Variants in MTREX observed in about 807,000 individuals in gnomAD.
MTREX encodes Mtr4 exosome RNA helicase.
In MTREX, 76 loss-of-function variants were observed where a neutral mutation model predicts 135.4. The ratio of observed to expected loss-of-function variants is 0.56; its 90% CI spans 0.47 to 0.68. The LOEUF is 0.68. Among genes scored for constraint, MTREX ranks in the 30% least tolerant of loss-of-function variants. The pLI is 0.00. For synonymous variants in MTREX, 404 were observed against 401.6 expected, an observed-to-expected ratio of 1.01 and a Z score of -0.07; for missense variants, 920 against 1,262.1, an observed-to-expected ratio of 0.73 and a Z score of 4.11.
At chr5:55,423,725 G>A (rs1447850266) in intron 26 of MTREX, 1 of 152,284 alleles carries the variant, frequency 6.6e-6, no homozygotes, top group African/African-American at 2.4e-5. Context: ...GTAATGGAGT[G>A]GTGGTGGGGG....
intron 1 of MTREX, among the ~76,000 whole-genome samples, chr5:55,320,816 C>T (rs910513858): frequency 2.6e-5 from 4 of 152,072 alleles, no homozygotes; most frequent in African/African-American, 9.7e-5. Context: ...TGTTTTGTTA[C>T]GGGATCAGAG....
intron 12 of MTREX, among the ~76,000 whole-genome samples, chr5:55,350,446 G>A (rs566408912): frequency 8.2e-4 from 125 of 152,214 alleles, no homozygotes; most frequent in Non-Finnish European, 3.5e-4. Flanking sequence ...TTGTTATAGC[G>A]CACTTCTAGT....
At chr5:55,416,195 TTTAA>T in intron 25 of MTREX, 63 bp downstream of exon 25, 1 of 1,058,342 alleles carries the variant, frequency 9.4e-7, no homozygotes, top group Non-Finnish European at 1.3e-6. Context: ...ATGGTATTGT[TTTAA>T]TTAAACAAGT....
chr5:55,359,818 A>G (rs1281457184), intron 15 of MTREX, among the ~76,000 whole-genome samples: 1 of 152,222 alleles, frequency 6.6e-6, no homozygotes, highest in Non-Finnish European at 1.5e-5. Flanking sequence ...TAATGACAGC[A>G]TCTGGTTCCT....
intron 18 of MTREX, among the ~76,000 whole-genome samples, chr5:55,379,621 C>G (rs1050137239): frequency 2.0e-5 from 3 of 150,724 alleles, no homozygotes; most frequent in Non-Finnish European, 3.0e-5. Context: ...CTCAGAGAGA[C>G]ACATGCATTG....
At chr5:55,405,671 G>T (rs1333006205) in intron 22 of MTREX, 83 bp downstream of exon 22, 8 of 1,246,410 alleles carry the variant, frequency 6.4e-6, no homozygotes, top group Non-Finnish European at 7.8e-6. Context: ...TTGAGATGGA[G>T]TCTCACTGTT....
intron 16 of MTREX, among the ~76,000 whole-genome samples, chr5:55,369,793 C>T (rs929899399): frequency 1.3e-5 from 2 of 152,294 alleles, no homozygotes; most frequent in Admixed American, 6.5e-5. Context: ...TAAATAATTA[C>T]CTTTTGAAGC....
At position 55,327,730 on chromosome 5, in the gene MTREX, A is replaced by G. The variant is rs200455052; in HGVS notation, c.354A>G (p.Ala118=). Reference sequence around the variant, plus strand: ...TTTGTTGTCAGGTTGCACTTCCTGCAGAAGAGGATTATTTACCACTTAAAC... The same window carrying G: ...TTTGTTGTCAGGTTGCACTTCCTGCGGAAGAGGATTATTTACCACTTAAAC... ...EGCTHEVALP[A]EEDYLPLKPR... The change falls in exon 4 of 27, where the codon GCA becomes GCG. Residue 118 remains alanine, a synonymous_variant. Coordinates refer to ENST00000230640, the MANE Select transcript of MTREX (RefSeq NM_015360.5). 9.9e-6 allele frequency: 16 copies of G among 1,613,322 alleles called. No homozygotes were observed. The East Asian group carries it at 2.2e-4, about 23-fold the overall frequency.
At position 55,353,222 on chromosome 5, in the gene MTREX, G is replaced by A. The variant is rs750625785; in HGVS notation, c.1486G>A (p.Val496Ile). The change falls in exon 14 of 27, where the codon GTT (valine) becomes ATT (isoleucine). Residue 496 changes from valine (V) to isoleucine (I), a missense_variant. Physicochemically the swap from Val to Ile is conservative, Grantham distance 29. This residue lies in a region of MTREX where 46 missense variants were observed against 116.8 expected (regional missense o/e 0.39). Coordinates refer to ENST00000230640, the MANE Select transcript of MTREX (RefSeq NM_015360.5). ...GGGAATTAACATGCCAGCTAGAACT[G>A]TTTTATTTACAAATGCCCGCAAATT... is the stretch of plus-strand genomic sequence containing the variant. ...AMGINMPART[V>I]LFTNARKFDG... is the part of the protein sequence containing the mutation. The A allele has an allele frequency of 2.5e-6, 4 of 1,610,180 alleles. No individual in the cohort carries two copies. Among genetic ancestry groups the A allele is most frequent in the Non-Finnish European group, 2.5e-6 (3 of 1,178,420 alleles).
chr5:55,356,706 T>C (rs1749922074), intron 14 of MTREX: 2 of 152,822 alleles, frequency 1.3e-5, no homozygotes, highest in Non-Finnish European at 2.9e-5. Context: ...ATGTAGACGA[T>C]GATGCCTGGG....
intron 20 of MTREX, among the ~76,000 whole-genome samples, chr5:55,398,917 T>A (rs1355716065): frequency 1.3e-5 from 2 of 151,102 alleles, no homozygotes; most frequent in Non-Finnish European, 3.0e-5. Flanking sequence ...ATTCACCACA[T>A]AGTGAGAAGC....
chr5:55,345,298 G>A, intron 10 of MTREX, 102 bp downstream of exon 10: 2 of 722,438 alleles, frequency 2.8e-6, no homozygotes, highest in African/African-American at 1.8e-5. Flanking sequence ...GCTATGTAAA[G>A]GTCTAGACGA....
At chr5:55,417,389 C>T (rs1750982052) in intron 25 of MTREX, among the ~76,000 whole-genome samples, 2 of 152,138 alleles carry the variant, frequency 1.3e-5, no homozygotes, top group Non-Finnish European at 1.5e-5. Flanking sequence ...TGTGAGGGCA[C>T]GATGATTTAA....
At chr5:55,387,937 T>A (rs1750504141) in intron 18 of MTREX, 37 bp from the exon 19 acceptor site, 1 of 1,545,680 alleles carries the variant, frequency 6.5e-7, no homozygotes, top group African/African-American at 1.4e-5. Flanking sequence ...GGCCAGTTTC[T>A]TAAGAATGAA....
rs114180895 is a variant in MTREX at position 55,362,705 on chromosome 5, C to G, written c.1659+4007C>G. 7.7e-3 allele frequency among the ~76,000 whole-genome samples: 1,173 copies of G among 151,796 alleles called. 11 individuals carry two copies. The highest frequency in any genetic ancestry group is 0.026 in the African/African-American group (1,081 of 41,382). On this transcript the variant is annotated intron_variant, in intron 15 of 26. Transcript: ENST00000230640. ...TACATTTTTGATTACTTGATATGAG[C>G]TATAAAAAAAAATCAGTTTTCATAA...
chr5:55,405,356 C>A, intron 21 of MTREX, 69 bp from the exon 22 acceptor site: 3 of 1,341,218 alleles, frequency 2.2e-6, no homozygotes, highest in Non-Finnish European at 3.1e-6. Flanking sequence ...TGTTTGATTT[C>A]ATGAATAAAT....
At chr5:55,327,548 C>T (rs190562059) in intron 3 of MTREX, 168 bp from the exon 4 acceptor site, 12 of 554,630 alleles carry the variant, frequency 2.2e-5, no homozygotes, top group African/African-American at 2.1e-4. Context: ...TAGCTTTTTG[C>T]CTTGTTCTTA....
chr5:55,399,971 C>T (rs1363047108), intron 20 of MTREX, among the ~76,000 whole-genome samples: 1 of 152,122 alleles, frequency 6.6e-6, no homozygotes, highest in East Asian at 1.9e-4. Context: ...GTGCCACGTT[C>T]AGGACTATGA....
At chr5:55,345,683 T>C (rs1055528094) in intron 10 of MTREX, among the ~76,000 whole-genome samples, 32 of 151,180 alleles carry the variant, frequency 2.1e-4, no homozygotes, top group African/African-American at 7.5e-4. Flanking sequence ...TTTTTTTTTT[T>C]TGAGACAGTG....
Sources: allele counts gnomAD v4.1 joint callset (sites outside exome capture counted in the v4.1 genomes callset), GRCh38; gene constraint gnomAD v4.1.1; regional missense constraint gnomAD v4.1.1; transcripts MANE v1.5; gene names NCBI Gene and HGNC (gene_info 2026-07-23, HGNC 2026-07-21).